GFRA1: variants seen among roughly 807,000 people sequenced by gnomAD.
GFRA1 encodes the protein GDNF family receptor alpha-1.
GFRA1 carries 16 observed loss-of-function variants against 51.6 expected under a neutral mutation model. That is an observed-to-expected ratio of 0.31 (90% CI 0.21 to 0.47). The LOEUF is 0.47. Among genes scored for constraint, GFRA1 ranks in the 20% least tolerant of loss-of-function variants. The pLI is 1.00. For missense variants in GFRA1, 530 were observed against 594.3 expected (o/e 0.89, Z 1.13); for synonymous variants, 270 against 241.3 (o/e 1.12, Z -1.10).
chr10:116,093,303 C>T (rs902347629), intron 8 of GFRA1, among the ~76,000 whole-genome samples: 11 of 152,180 alleles, frequency 7.2e-5, no homozygotes, highest in African/African-American at 2.4e-4. Flanking sequence ...TTGTATATTC[C>T]GCCCAGGTTT....
At chr10:116,161,504 TTGTC>T (rs1233665187) in intron 5 of GFRA1, among the ~76,000 whole-genome samples, 1 of 152,116 alleles carries the variant, frequency 6.6e-6, no homozygotes, top group Non-Finnish European at 1.5e-5. Flanking sequence ...TTGATATGGT[TTGTC>T]TGTGTCCCCA....
At chr10:116,109,197 C>G (rs1957106364) in intron 6 of GFRA1, among the ~76,000 whole-genome samples, 1 of 152,134 alleles carries the variant, frequency 6.6e-6, no homozygotes, top group African/African-American at 2.4e-5. Context: ...ATGGAGCAGG[C>G]CAGAGTCAGA....
rs757934345 is a variant in GFRA1 at position 116,237,451 on chromosome 10, G to A, written c.419-25806C>T. Among the ~76,000 whole-genome samples, 3 of 152,152 alleles carry A rather than the reference G, an allele frequency of 2.0e-5. No individual in the cohort carries two copies. In the East Asian group the frequency reaches 5.8e-4, roughly 29 times the overall value. ...TGGCAGAGGAAGGATTGAGGCTGAA[G>A]TGGGTTAGATTCCAGCCAAAGCTCT... is the stretch of plus-strand genomic sequence containing the variant. On this transcript the variant is annotated intron_variant, in intron 4 of 10. Transcript: ENST00000355422.
Position 116,064,612 on chromosome 10 carries a change from T to A in GFRA1, c.1252-68A>T, listed in dbSNP as rs1955010320. On this transcript the variant is annotated intron_variant, in intron 10 of 10. Coordinates refer to ENST00000355422, the MANE Select transcript of GFRA1 (RefSeq NM_005264.8). ...CATTCTACCACAGTATACTTTACAC[T>A]CTCTCTCCCCCCGACTCCCCACTGG... 9.1e-6 allele frequency: 13 copies of A among 1,426,846 alleles called. No homozygotes were observed. The Admixed American group carries it at 2.2e-4, about 24-fold the overall frequency. The allele number at this position is 1,426,846 out of a possible 1,614,324, so 88.4% of individuals were successfully genotyped here. A position where few individuals can be genotyped will look rare whatever the true frequency, so the allele number is the denominator to read the frequency against.
chr10:116,070,903 T>A (rs575441040), intron 9 of GFRA1, among the ~76,000 whole-genome samples: 1 of 152,214 alleles, frequency 6.6e-6, no homozygotes, highest in South Asian at 2.1e-4. Flanking sequence ...AAACTCACCT[T>A]CCTGGAGGTT....
intron 5 of GFRA1, among the ~76,000 whole-genome samples, chr10:116,194,346 T>C (rs114796090): frequency 0.014 from 2,112 of 152,292 alleles, 58 homozygotes; most frequent in African/African-American, 0.048. Context: ...CAGTGAATCA[T>C]TCCTGACCCC....
At chr10:116,182,881 G>A (rs1007800422) in intron 5 of GFRA1, among the ~76,000 whole-genome samples, 2 of 152,136 alleles carry the variant, frequency 1.3e-5, no homozygotes, top group East Asian at 1.9e-4. Context: ...AGAGCTGAGC[G>A]CTCCTGGAAG....
intron 5 of GFRA1, among the ~76,000 whole-genome samples, chr10:116,142,778 C>A (rs952233588): frequency 4.0e-5 from 6 of 151,868 alleles, no homozygotes; most frequent in African/African-American, 1.5e-4. Flanking sequence ...CAGTAGAAAA[C>A]CCATATTTAT....
intron 4 of GFRA1, among the ~76,000 whole-genome samples, chr10:116,259,893 G>A (rs1210739510): frequency 6.6e-6 from 1 of 152,148 alleles, no homozygotes; most frequent in African/African-American, 2.4e-5. Context: ...AGCATGGTGG[G>A]GGACCAGAAG....
chr10:116,245,558 T>G (rs1357571481), intron 4 of GFRA1, among the ~76,000 whole-genome samples: 1 of 152,178 alleles, frequency 6.6e-6, no homozygotes, highest in African/African-American at 2.4e-5. Flanking sequence ...TTAAATATGA[T>G]CCAGCAATCA....
intron 4 of GFRA1, among the ~76,000 whole-genome samples, chr10:116,246,379 C>A (rs1167672809): frequency 3.3e-5 from 5 of 152,210 alleles, no homozygotes; most frequent in African/African-American, 1.2e-4. Flanking sequence ...TGCAGTGAGA[C>A]GAGGTTGCGC....
In GFRA1 at chr10:116,269,502, C is replaced by T; in HGVS notation, c.418+1G>A. 1 of 1,553,108 alleles carries T rather than the reference C, an allele frequency of 6.4e-7. No homozygotes were observed. On this transcript the variant is annotated splice_donor_variant, in intron 4 of 10. Transcript: ENST00000355422. LOFTEE classifies it high-confidence loss of function. ...CAGCATGGAAGTATAAATCTGCTTA[C>T]CTGATATGAATGGGACCACCCGGAA...
chr10:116,080,294 T>C (rs1955794365), intron 9 of GFRA1, among the ~76,000 whole-genome samples: 1 of 152,278 alleles, frequency 6.6e-6, no homozygotes, highest in African/African-American at 2.4e-5. Flanking sequence ...GCAGAAAAGA[T>C]AAGTAATTTG....
intron 9 of GFRA1, among the ~76,000 whole-genome samples, chr10:116,078,808 C>T (rs1021986074): frequency 5.3e-5 from 8 of 152,052 alleles, no homozygotes; most frequent in African/African-American, 1.9e-4. Flanking sequence ...AACACGCAGC[C>T]CCAAGACCAT....
chr10:116,177,216 T>G (rs1961711425), intron 5 of GFRA1, among the ~76,000 whole-genome samples: 1 of 152,164 alleles, frequency 6.6e-6, no homozygotes, highest in South Asian at 2.1e-4. Flanking sequence ...GTCTTCTGAC[T>G]AGACAATGAC....
At chr10:116,254,411 C>G (rs1968657209) in intron 4 of GFRA1, among the ~76,000 whole-genome samples, 1 of 151,352 alleles carries the variant, frequency 6.6e-6, no homozygotes, top group Non-Finnish European at 1.5e-5. Context: ...GTGGCTTATG[C>G]CTATAATCCC....
At chr10:116,203,489 A>G (rs1011443460) in intron 5 of GFRA1, among the ~76,000 whole-genome samples, 2 of 152,218 alleles carry the variant, frequency 1.3e-5, no homozygotes, top group Non-Finnish European at 1.5e-5. Flanking sequence ...CAGGTCTCCA[A>G]ATAATAACAG....
intron 4 of GFRA1, among the ~76,000 whole-genome samples, chr10:116,263,278 G>A (rs537683004): frequency 6.6e-6 from 1 of 152,192 alleles, no homozygotes; most frequent in African/African-American, 2.4e-5. Context: ...TCAGGAGCAA[G>A]CCAACATCGC....
At chr10:116,227,194 A>T (rs79865445) in intron 4 of GFRA1, among the ~76,000 whole-genome samples, 2,480 of 152,304 alleles carry the variant, frequency 0.016, 33 homozygotes, top group African/African-American at 0.041. Context: ...GTCTGTACCC[A>T]AAGAGAGGAA....
Sources: allele counts gnomAD v4.1 joint callset (sites outside exome capture counted in the v4.1 genomes callset), GRCh38; gene constraint gnomAD v4.1.1; transcripts MANE v1.5; gene names NCBI Gene and HGNC (gene_info 2026-07-23, HGNC 2026-07-21).